Variants in CPEB2 observed in about 807,000 individuals in gnomAD.
CPEB2 encodes the protein cytoplasmic polyadenylation element-binding protein 2.
Under a neutral mutation model 93.6 loss-of-function variants are expected in CPEB2, and 56 were observed. The ratio of observed to expected loss-of-function variants is 0.60; its 90% CI spans 0.48 to 0.75. CPEB2 has a LOEUF of 0.75. Ranked by LOEUF, CPEB2 falls within the 30% of genes least tolerant of loss-of-function variation. CPEB2 has a pLI of 0.00. For synonymous variants in CPEB2, 764 were observed against 586.3 expected, an observed-to-expected ratio of 1.30 and a Z score of -4.38; for missense variants, 1,579 against 1,395.1, an observed-to-expected ratio of 1.13 and a Z score of -2.10.
chr4:15,035,035 T>A (rs1726475214), intron 5 of CPEB2, among the ~76,000 whole-genome samples: 1 of 152,194 alleles, frequency 6.6e-6, no homozygotes, highest in Non-Finnish European at 1.5e-5. Context: ...AAAGAAATTG[T>A]ATCTCATAGT....
chr4:15,004,380 A>G, intron 1 of CPEB2, 45 bp downstream of exon 1: 1 of 1,331,204 alleles, frequency 7.5e-7, no homozygotes, highest in South Asian at 1.5e-5. Flanking sequence ...CCGGGAGACC[A>G]TGGGCGGGGG....
At chr4:15,004,955 C>T (rs1420382956) in intron 1 of CPEB2, 2 of 151,462 alleles carry the variant, frequency 1.3e-5, no homozygotes, top group Non-Finnish European at 2.9e-5. Flanking sequence ...TTTGTTTATT[C>T]TTATTTGGCC....
chr4:15,015,836 C>G (rs1021652677), intron 3 of CPEB2, among the ~76,000 whole-genome samples: 2 of 151,872 alleles, frequency 1.3e-5, no homozygotes, highest in African/African-American at 4.8e-5. Flanking sequence ...AGGTTTAATT[C>G]ATAAATTAGG....
At position 15,004,215 on chromosome 4, in the gene CPEB2, G is replaced by A. The variant is rs1173593734; in HGVS notation, c.1542G>A (p.Pro514=). 5 of 1,326,122 alleles carry A rather than the reference G, an allele frequency of 3.8e-6. No homozygotes were observed. In the African/African-American group the frequency reaches 6.4e-5, roughly 17 times the overall value. The allele number at this position is 1,326,122 out of a possible 1,614,324, so 82.1% of individuals were successfully genotyped here. ...ATATACCTCAACAGCAGCCCCCGCC[G>A]CCCGCGGCGCCGCAGCAGCCGCAGA... ...AMNIPQQQPP[P]PAAPQQPQSR... Residue 514 remains proline, a synonymous_variant, in exon 1 of 12, where the codon CCG becomes CCA. Transcript: ENST00000538197.
intron 5 of CPEB2, among the ~76,000 whole-genome samples, chr4:15,039,433 T>A (rs1168579334): frequency 6.6e-6 from 1 of 152,176 alleles, no homozygotes; most frequent in African/African-American, 2.4e-5. Context: ...AGCACATATT[T>A]TTACTTAAGA....
At chr4:15,036,793 A>G (rs1488428839) in intron 5 of CPEB2, among the ~76,000 whole-genome samples, 1 of 152,224 alleles carries the variant, frequency 6.6e-6, no homozygotes, top group Non-Finnish European at 1.5e-5. Flanking sequence ...TATGTATGTC[A>G]TAAAGAGCTT....
chr4:15,066,403 T>G lies in CPEB2; in HGVS notation c.*23T>G. Reference sequence around the variant, plus strand: ...TAAGAATAGCAAACTGGCCTCTGTTTAACAAGGAAAGAAAGGGTGCATGTG... The same window carrying G: ...TAAGAATAGCAAACTGGCCTCTGTTGAACAAGGAAAGAAAGGGTGCATGTG... On this transcript the variant is annotated 3_prime_UTR_variant, in exon 12 of 12. Transcript: ENST00000538197. 1 of 1,535,596 alleles carries G rather than the reference T, an allele frequency of 6.5e-7. No individual in the cohort carries two copies. The highest frequency in any genetic ancestry group is 8.9e-7 in the Non-Finnish European group (1 of 1,125,408).
intron 4 of CPEB2, among the ~76,000 whole-genome samples, chr4:15,020,210 A>G (rs1403364048): frequency 2.0e-5 from 3 of 152,110 alleles, no homozygotes; most frequent in Non-Finnish European, 4.4e-5. Flanking sequence ...TCATACCATC[A>G]TTTCCACAAC....
rs1211545873 is a variant in CPEB2 at position 15,003,157 on chromosome 4, TC to T, written c.488del (p.Pro163ArgfsTer12). 1.3e-6 allele frequency: 2 copies of T among 1,531,628 alleles called. No homozygotes were observed. The allele number at this position is 1,531,628 out of a possible 1,614,324, so 94.9% of individuals were successfully genotyped here. A position where few individuals can be genotyped will look rare whatever the true frequency, so the allele number is the denominator to read the frequency against. On this transcript the variant is annotated frameshift_variant, in exon 1 of 12. Transcript: ENST00000538197. LOFTEE classifies it high-confidence loss of function. Reference protein sequence around the residue: ...ASSCCCCRTSSPQDFSKRQQQ... With the variant: ...ASSCCCCRTSXPQDFSKRQQQ... ...CTCCTGCTGCTGCTGCCGCACCTCC[TC>T]CCCGCAGGACTTCAGTAAGCGGCAG...
chr4:15,064,150 T>A (rs1288945877), intron 11 of CPEB2, among the ~76,000 whole-genome samples: 1 of 151,854 alleles, frequency 6.6e-6, no homozygotes, highest in African/African-American at 2.4e-5. Context: ...AGTTCCTATC[T>A]GATAGCTGGA....
At chr4:15,052,779 T>C (rs1458330750) in intron 7 of CPEB2, among the ~76,000 whole-genome samples, 195 bp downstream of exon 7, 1 of 152,158 alleles carries the variant, frequency 6.6e-6, no homozygotes, top group Non-Finnish European at 1.5e-5. Flanking sequence ...TTTTTATTTT[T>C]CACTTTAGAT....
intron 5 of CPEB2, among the ~76,000 whole-genome samples, chr4:15,036,396 G>T (rs183435043): frequency 6.6e-6 from 1 of 152,216 alleles, no homozygotes; most frequent in African/African-American, 2.4e-5. Context: ...AAGCACTTTA[G>T]GGAAGTCACA....
At chr4:15,021,669 T>G (rs1724832258) in intron 4 of CPEB2, among the ~76,000 whole-genome samples, 1 of 152,164 alleles carries the variant, frequency 6.6e-6, no homozygotes, top group African/African-American at 2.4e-5. Flanking sequence ...TGTCAGTAAG[T>G]CGTAATGCCT....
At chr4:15,006,435 C>T (rs916989590) in intron 1 of CPEB2, 3 of 149,364 alleles carry the variant, frequency 2.0e-5, no homozygotes, top group Non-Finnish European at 4.5e-5. Context: ...AAAAAAAAAC[C>T]CAAAACTACA....
Position 15,003,442 on chromosome 4 carries a change from G to C in CPEB2, c.769G>C (p.Asp257His), listed in dbSNP as rs1327783008. The C allele has an allele frequency of 2.2e-6, 3 of 1,360,726 alleles. No individual in the cohort carries two copies. Among genetic ancestry groups the C allele is most frequent in the East Asian group, 3.1e-5 (1 of 32,246 alleles). 84.3% of individuals were successfully genotyped at this position (1,360,726 alleles called of 1,614,324 possible). A position where few individuals can be genotyped will look rare whatever the true frequency, so the allele number is the denominator to read the frequency against. ...QDFAPRQRPADLPPLPQLPPS... is the reference protein window; with the variant it reads ...QDFAPRQRPAHLPPLPQLPPS... ...CTTCGCCCCGCGGCAGCGTCCGGCA[G>C]ACCTGCCCCCGCTCCCGCAGCTCCC... The change falls in exon 1 of 12, where the codon GAC (aspartate) becomes CAC (histidine). Residue 257 changes from aspartate to histidine, a missense_variant. By Grantham distance (81) the Asp-to-His change is moderately conservative (BLOSUM62 -1). Around this residue, in one of 2 missense-constraint regions of CPEB2, gnomAD observed 1,411 missense variants for 1,056.0 expected, o/e 1.34. Coordinates refer to ENST00000538197, the MANE Select transcript of CPEB2 (RefSeq NM_001177382.2).
Position 15,007,529 on chromosome 4 carries a change from G to A in CPEB2, c.1887G>A (p.Trp629Ter). The A allele has an allele frequency of 6.2e-7, 1 of 1,613,742 alleles. No individual in the cohort carries two copies. Among genetic ancestry groups the A allele is most frequent in the Non-Finnish European group, 8.5e-7 (1 of 1,179,694 alleles). ...CTCCATCACTGACTCCAAAATCTTG[G>A]ATTGAAGATAATGTGTTCAGAACAG... ...RSTPSLTPKSWIEDNVFRTDN... is the reference protein window; with the variant it reads ...RSTPSLTPKS Residue 629 changes from tryptophan (W) to a stop codon, truncating the protein, a stop_gained, in exon 2 of 12, where the codon TGG (tryptophan) becomes TGA (stop). Transcript: ENST00000538197. LOFTEE classifies it high-confidence loss of function.
chr4:15,042,983 C>G (rs1291880854), intron 6 of CPEB2, among the ~76,000 whole-genome samples: 1 of 152,132 alleles, frequency 6.6e-6, no homozygotes, highest in Admixed American at 6.5e-5. Context: ...ATGTGTCACA[C>G]TGAGTTGATA....
chr4:15,024,929 A>G (rs1040710327), intron 4 of CPEB2, among the ~76,000 whole-genome samples: 1 of 151,850 alleles, frequency 6.6e-6, no homozygotes, highest in Admixed American at 6.6e-5. Flanking sequence ...TATTTTCAGT[A>G]GAGACGGGGT....
Position 15,066,227 on chromosome 4 carries a change from T to A in CPEB2, c.2952T>A (p.Phe984Leu), listed in dbSNP as rs1220895558. 4 of 1,613,442 alleles carry A rather than the reference T, an allele frequency of 2.5e-6. No individual in the cohort carries two copies. The highest frequency in any genetic ancestry group is 1.3e-5 in the African/African-American group (1 of 74,858). Residue 984 changes from phenylalanine to leucine, a missense_variant, in exon 12 of 12, where the codon TTT (phenylalanine) becomes TTA (leucine). Physicochemically the swap from Phe to Leu is conservative, Grantham distance 22. Transcript: ENST00000538197. ...AGGGCGCACGCTGTGGTGGAAAATT[T>A]GCTCCCTTTTTTTGTGCCAATGTCA... is the stretch of plus-strand genomic sequence containing the variant. ...ECQGARCGGK[F>L]APFFCANVTC...
Sources: gnomAD v4.1 joint callset for allele counts (sites outside exome capture counted in the v4.1 genomes callset) on GRCh38, gnomAD v4.1.1 for gene constraint, gnomAD v4.1.1 regional missense constraint, MANE v1.5 for transcripts, NCBI Gene and HGNC (gene_info 2026-07-23, HGNC 2026-07-21) for gene names.